The following CPB1 variants were observed in gnomAD, a reference collection of about 807,000 sequenced individuals.
CPB1 encodes carboxypeptidase B.
A neutral mutation model predicts 51.4 loss-of-function variants in CPB1; 53 were observed. The ratio of observed to expected loss-of-function variants is 1.03; its 90% CI spans 0.83 to 1.30. The LOEUF (loss-of-function observed/expected upper bound fraction) is 1.30, where lower values mean the gene tolerates loss of function less well. Among genes scored for constraint, CPB1 ranks in the 50% most tolerant of loss-of-function variants. The pLI is 0.00. For missense variants in CPB1, 494 were observed against 516.2 expected, an observed-to-expected ratio of 0.96 and a Z score of 0.42; for synonymous variants, 189 against 186.9, an observed-to-expected ratio of 1.01 and a Z score of -0.09.
At chr3:148,832,590 C>T (rs1015855303) in intron 2 of CPB1, among the ~76,000 whole-genome samples, 5 of 152,170 alleles carry the variant, frequency 3.3e-5, no homozygotes, top group African/African-American at 4.8e-5. Context: ...GGACAACTGG[C>T]GGTAAACCCA....
intron 9 of CPB1, among the ~76,000 whole-genome samples, chr3:148,853,208 G>A (rs1713481497): frequency 6.6e-6 from 1 of 152,164 alleles, no homozygotes; most frequent in African/African-American, 2.4e-5. Context: ...ATACCTTATA[G>A]TTGGTTTGGA....
intron 5 of CPB1, among the ~76,000 whole-genome samples, chr3:148,841,333 A>G (rs1342994265): frequency 6.6e-6 from 1 of 152,222 alleles, no homozygotes; most frequent in Non-Finnish European, 1.5e-5. Flanking sequence ...ATCAGACAAC[A>G]TTACAAAGCA....
intron 1 of CPB1, 29 bp from the exon 2 acceptor site, chr3:148,827,973 C>G (rs956776118): frequency 1.2e-6 from 2 of 1,612,676 alleles, no homozygotes; most frequent in Non-Finnish European, 1.7e-6. Flanking sequence ...ATTTCCAATT[C>G]TCTGTGCTTC....
At chr3:148,838,260 A>C (rs1454435880) in intron 3 of CPB1, 1 of 152,176 alleles carries the variant, frequency 6.6e-6, no homozygotes, top group Non-Finnish European at 1.5e-5. Flanking sequence ...AAATAAACAA[A>C]TTAACAAAAA....
At chr3:148,836,186 T>C (rs1357149789) in intron 3 of CPB1, among the ~76,000 whole-genome samples, 1 of 152,060 alleles carries the variant, frequency 6.6e-6, no homozygotes, top group Admixed American at 6.6e-5. Flanking sequence ...CAACAGTAAC[T>C]GCTATGTTTA....
At chr3:148,856,089 AT>A (rs1299369782) in intron 9 of CPB1, 1 of 152,222 alleles carries the variant, frequency 6.6e-6, no homozygotes, top group Non-Finnish European at 1.5e-5. Flanking sequence ...GGAGCAATAT[AT>A]TTAGGCCACA....
At chr3:148,844,893 G>C in intron 8 of CPB1, 126 bp downstream of exon 8, 14 of 761,786 alleles carry the variant, frequency 1.8e-5, no homozygotes, top group Non-Finnish European at 1.4e-5. Flanking sequence ...CCTTCTAAAA[G>C]CACCAAAAAA....
At chr3:148,835,025 T>A (rs1261009456) in intron 3 of CPB1, among the ~76,000 whole-genome samples, 3 of 152,126 alleles carry the variant, frequency 2.0e-5, no homozygotes, top group South Asian at 2.1e-4. Flanking sequence ...CTATTTGTGC[T>A]TTTTTTAGCA....
chr3:148,840,798 C>G lies in CPB1; in HGVS notation c.372+13C>G. 2 of 1,613,582 alleles carry G rather than the reference C, an allele frequency of 1.2e-6. No homozygotes were observed. Among genetic ancestry groups the G allele is most frequent in the South Asian group, 1.1e-5 (1 of 91,066 alleles). On this transcript the variant is annotated intron_variant, in intron 4 of 10. Transcript: ENST00000282957. Reference sequence around the variant, plus strand: ...CAAGTGGGAAACGGTATGATGTGCACATGATTTAGACAGATATTACTTTGG... The same window carrying G: ...CAAGTGGGAAACGGTATGATGTGCAGATGATTTAGACAGATATTACTTTGG...
chr3:148,835,012 G>A (rs990492872), intron 3 of CPB1, among the ~76,000 whole-genome samples: 3 of 152,126 alleles, frequency 2.0e-5, no homozygotes, highest in Non-Finnish European at 4.4e-5. Flanking sequence ...TGAGTTATGA[G>A]GGCTATTTGT....
At chr3:148,844,431 C>G (rs1713170912) in intron 6 of CPB1, 47 bp from the exon 7 acceptor site, 1 of 1,422,856 alleles carries the variant, frequency 7.0e-7, no homozygotes, top group Admixed American at 1.7e-5. Flanking sequence ...TTAACAGCAT[C>G]ATAATTCCAT....
intron 2 of CPB1, among the ~76,000 whole-genome samples, chr3:148,833,382 A>G (rs1040039930): frequency 2.0e-5 from 3 of 152,150 alleles, no homozygotes; most frequent in Non-Finnish European, 4.4e-5. Context: ...AGGACAGAAT[A>G]TAGGTTACTG....
At chr3:148,838,882 TC>T (rs1450208884) in intron 3 of CPB1, among the ~76,000 whole-genome samples, 1 of 152,188 alleles carries the variant, frequency 6.6e-6, no homozygotes. Flanking sequence ...TCCTTCTACT[TC>T]CACCCTATTC....
chr3:148,833,706 GAAAGGTGTTACTT>G (rs1712806041), intron 2 of CPB1, among the ~76,000 whole-genome samples: 1 of 151,090 alleles, frequency 6.6e-6, no homozygotes, highest in Non-Finnish European at 1.5e-5. Flanking sequence ...TTTTTCCACT[GAAAGGTGTTACTT>G]AAAACCACAC....
rs763502820 is a variant in CPB1 at position 148,857,497 on chromosome 3, T to C, written c.1022T>C (p.Leu341Pro). The C allele has an allele frequency of 6.2e-7, 1 of 1,614,046 alleles. No individual in the cohort carries two copies. The highest frequency in any genetic ancestry group is 8.5e-7 in the Non-Finnish European group (1 of 1,179,968). Reference protein sequence around the residue: ...AKATVKELASLHGTKYTYGPG... With the variant: ...AKATVKELASPHGTKYTYGPG... ...GCTACTGTGAAAGAACTTGCCTCAC[T>C]GCACGGCACCAAGTACACATATGGC... Residue 341 changes from leucine (L) to proline (P), a missense_variant, in exon 10 of 11, where the codon CTG (leucine) becomes CCG (proline). Physicochemically the swap from Leu to Pro is moderately conservative, Grantham distance 98 (BLOSUM62 -3). Transcript: ENST00000282957.
chr3:148,846,851 C>T (rs1219586342), intron 9 of CPB1, among the ~76,000 whole-genome samples: 8 of 90,294 alleles, frequency 8.9e-5, no homozygotes, highest in South Asian at 3.7e-4. Flanking sequence ...ATGTTAGCAC[C>T]GCCAAGCATT....
intron 9 of CPB1, 73 bp downstream of exon 9, chr3:148,845,699 A>G (rs1576571458): frequency 8.1e-7 from 1 of 1,238,076 alleles, no homozygotes; most frequent in Non-Finnish European, 1.2e-6. Context: ...AAAAAAAATC[A>G]TTATAAGAAC....
chr3:148,850,830 C>T (rs923971574), intron 9 of CPB1: 3 of 152,172 alleles, frequency 2.0e-5, no homozygotes, highest in Non-Finnish European at 4.4e-5. Flanking sequence ...TCCAGGCAGG[C>T]TTAGGTGAAC....
intron 9 of CPB1, chr3:148,855,744 AT>A (rs1713553856): frequency 6.6e-6 from 1 of 152,246 alleles, no homozygotes; most frequent in African/African-American, 2.4e-5. Flanking sequence ...TTAAGGAAAA[AT>A]TGAAGTAAAG....
Sources: gnomAD v4.1 joint callset for allele counts (sites outside exome capture counted in the v4.1 genomes callset) on GRCh38, gnomAD v4.1.1 for gene constraint, MANE v1.5 for transcripts, NCBI Gene and HGNC (gene_info 2026-07-23, HGNC 2026-07-21) for gene names.